The following TOP6BL variants were observed in gnomAD, a reference collection of about 807,000 sequenced individuals.
TOP6BL encodes type 2 DNA topoisomerase 6 subunit B-like.
the TOP6BL span, among the ~76,000 whole-genome samples, chr11:66,806,753 C>T: frequency 6.6e-6 from 1 of 151,444 alleles, no homozygotes; most frequent in African/African-American, 2.4e-5. Flanking sequence ...AAGACTCTGT[C>T]TCAAAATAAA....
chr11:66,843,099 G>A, the TOP6BL span: 1 of 1,593,186 alleles, frequency 6.3e-7, no homozygotes, highest in Non-Finnish European at 8.5e-7. Context: ...GCAGGGAAGG[G>A]CTCAGCAGGA....
At chr11:66,787,437 G>A in the TOP6BL span, among the ~76,000 whole-genome samples, 1 of 151,526 alleles carries the variant, frequency 6.6e-6, no homozygotes, top group Non-Finnish European at 1.5e-5. Context: ...CAGGCGCGGT[G>A]GCTCATGTCT....
the TOP6BL span, among the ~76,000 whole-genome samples, chr11:66,777,842 A>G: frequency 6.6e-6 from 1 of 152,152 alleles, no homozygotes; most frequent in Non-Finnish European, 1.5e-5. Context: ...ACTGCACTCC[A>G]ACCTGGGCAT....
the TOP6BL span, among the ~76,000 whole-genome samples, chr11:66,820,522 T>C: frequency 2.0e-5 from 3 of 152,236 alleles, no homozygotes; most frequent in Non-Finnish European, 2.9e-5. Flanking sequence ...TATTAGCTTT[T>C]CTGAATGAGA....
At chr11:66,843,392 G>A in the TOP6BL span, 3 of 1,428,602 alleles carry the variant, frequency 2.1e-6, no homozygotes, top group East Asian at 8.0e-5. Context: ...GCCGCGCCGC[G>A]GCCTGACGTC....
At chr11:66,825,211 A>G in the TOP6BL span, among the ~76,000 whole-genome samples, 55 of 148,886 alleles carry the variant, frequency 3.7e-4, 1 homozygote, top group East Asian at 0.011. Flanking sequence ...GTGGTGGCTC[A>G]TGCCTGTAAG....
At chr11:66,759,582 AATTTATTT>A in the TOP6BL span, among the ~76,000 whole-genome samples, 1 of 152,070 alleles carries the variant, frequency 6.6e-6, no homozygotes, top group African/African-American at 2.4e-5. Context: ...TAGTTTTAAG[AATTTATTT>A]ATTTATTTAT....
At chr11:66,754,125 C>G in the TOP6BL span, among the ~76,000 whole-genome samples, 1 of 152,218 alleles carries the variant, frequency 6.6e-6, no homozygotes, top group Non-Finnish European at 1.5e-5. Flanking sequence ...CCAGCAGTCT[C>G]TGCTGTGGTC....
chr11:66,833,798 A>G, the TOP6BL span, among the ~76,000 whole-genome samples: 1 of 152,118 alleles, frequency 6.6e-6, no homozygotes, highest in Non-Finnish European at 1.5e-5. Flanking sequence ...AAATAAAAAA[A>G]TTAGCCAGGC....
chr11:66,842,855 G>A, the TOP6BL span: 1 of 1,567,364 alleles, frequency 6.4e-7, no homozygotes, highest in Non-Finnish European at 8.6e-7. Context: ...CTAGATACCA[G>A]CGGGCAAGCA....
the TOP6BL span, among the ~76,000 whole-genome samples, chr11:66,839,653 C>G: frequency 6.6e-6 from 1 of 152,288 alleles, no homozygotes; most frequent in East Asian, 1.9e-4. Flanking sequence ...TGAAAAGAAC[C>G]CTGCTGTGAA....
At chr11:66,830,859 T>C in the TOP6BL span, among the ~76,000 whole-genome samples, 1 of 152,198 alleles carries the variant, frequency 6.6e-6, no homozygotes, top group Non-Finnish European at 1.5e-5. Context: ...GTTTTTAAAA[T>C]TGAATGTTTA....
chr11:66,821,258 A>G, the TOP6BL span, among the ~76,000 whole-genome samples: 16 of 151,490 alleles, frequency 1.1e-4, no homozygotes, highest in Non-Finnish European at 2.4e-4. Context: ...ATTAGTAAAC[A>G]AGTGTCTTAA....
At chr11:66,809,102 G>A in the TOP6BL span, among the ~76,000 whole-genome samples, 4 of 152,120 alleles carry the variant, frequency 2.6e-5, no homozygotes, top group Non-Finnish European at 5.9e-5. Context: ...CCGCCACCAC[G>A]CCAGGCTAAT....
the TOP6BL span, among the ~76,000 whole-genome samples, chr11:66,745,655 C>A: frequency 3.9e-5 from 6 of 152,234 alleles, no homozygotes; most frequent in Non-Finnish European, 7.3e-5. Context: ...GGCGTCCTGC[C>A]TGTTTGTTGT....
chr11:66,824,217 C>G, the TOP6BL span, among the ~76,000 whole-genome samples: 1 of 151,982 alleles, frequency 6.6e-6, no homozygotes, highest in Non-Finnish European at 1.5e-5. Flanking sequence ...ATTAGGCCTT[C>G]ATGAATGGGA....
At chr11:66,746,058 G>T in the TOP6BL span, among the ~76,000 whole-genome samples, 1 of 151,986 alleles carries the variant, frequency 6.6e-6, no homozygotes, top group Non-Finnish European at 1.5e-5. Flanking sequence ...TGATCTGCCC[G>T]CCTCCGCCTC....
At chr11:66,752,786 T>C in the TOP6BL span, among the ~76,000 whole-genome samples, 1 of 152,164 alleles carries the variant, frequency 6.6e-6, no homozygotes, top group Non-Finnish European at 1.5e-5. Context: ...CTCTTTATCC[T>C]TGTATTAATT....
the TOP6BL span, among the ~76,000 whole-genome samples, chr11:66,832,302 G>C: frequency 6.6e-6 from 1 of 152,068 alleles, no homozygotes; most frequent in Admixed American, 6.5e-5. Context: ...GAGTTTCACT[G>C]TGTTGGCCAG....
Sources: allele counts gnomAD v4.1 joint callset (sites outside exome capture counted in the v4.1 genomes callset), GRCh38; gene constraint gnomAD v4.1.1; transcripts MANE v1.5; gene names NCBI Gene and HGNC (gene_info 2026-07-23, HGNC 2026-07-21).